ZSWIM5: variants seen among roughly 807,000 people sequenced by gnomAD.
ZSWIM5 encodes zinc finger SWIM-type containing 5, also known as zinc finger SWIM domain-containing protein 5.
ZSWIM5 carries 55 observed loss-of-function variants against 119.6 expected under a neutral mutation model. The ratio of observed to expected loss-of-function variants is 0.46; its 90% confidence interval spans 0.37 to 0.58. The LOEUF (loss-of-function observed/expected upper bound fraction) is 0.58, where lower values mean the gene tolerates loss of function less well. ZSWIM5 is among the 20% of genes least tolerant of loss of function. The pLI, the probability that ZSWIM5 is intolerant of heterozygous loss-of-function variation, is 0.00. For missense variants in ZSWIM5, 1,193 were observed against 1,512.8 expected (o/e 0.79, Z 3.51); for synonymous variants, 537 against 606.9 (o/e 0.88, Z 1.69).
At chr1:45,067,119 C>T (rs896516569) in intron 2 of ZSWIM5, among the ~76,000 whole-genome samples, 4 of 152,102 alleles carry the variant, frequency 2.6e-5, no homozygotes, top group South Asian at 4.1e-4. Flanking sequence ...TAGAGTCTAA[C>T]GCTCAAAAGA....
At chr1:45,144,247 G>T (rs963186884) in intron 1 of ZSWIM5, among the ~76,000 whole-genome samples, 1 of 152,124 alleles carries the variant, frequency 6.6e-6, no homozygotes, top group Non-Finnish European at 1.5e-5. Flanking sequence ...CTATAAAGCA[G>T]CCAGGCATGG....
Position 45,089,071 on chromosome 1 carries a change from C to T in ZSWIM5, c.596-834G>A, listed in dbSNP as rs139738307. ...GTCTCCTGGGCTCAAGTGATCCTCC[C>T]ACTCTCAGCCTCAAGTGCAAAAATA... On this transcript the variant is annotated intron_variant, in intron 1 of 13. Coordinates refer to ENST00000359600, the MANE Select transcript of ZSWIM5 (RefSeq NM_020883.2). 5.0e-3 allele frequency among the ~76,000 whole-genome samples: 767 copies of T among 152,234 alleles called. 9 individuals carry two copies. The highest frequency in any genetic ancestry group is 0.018 in the African/African-American group (742 of 41,536).
chr1:45,047,392 A>G (rs928622429), intron 5 of ZSWIM5, among the ~76,000 whole-genome samples: 7 of 152,242 alleles, frequency 4.6e-5, no homozygotes, highest in African/African-American at 1.2e-4. Context: ...GACTAAGAAC[A>G]GAAGAAATGG....
At chr1:45,189,688 A>G (rs997599066) in intron 1 of ZSWIM5, among the ~76,000 whole-genome samples, 1 of 152,018 alleles carries the variant, frequency 6.6e-6, no homozygotes, top group African/African-American at 2.4e-5. Context: ...CCTAGAAGGT[A>G]GGGGCTGCAG....
rs779906350 is a variant in ZSWIM5 at position 45,020,591 on chromosome 1, T to C, written c.2613+34A>G. 6.2e-6 allele frequency: 10 copies of C among 1,607,424 alleles called. No homozygotes were observed. In the South Asian group the frequency reaches 1.1e-4, roughly 18 times the overall value. On this transcript the variant is annotated intron_variant, in intron 12 of 13. Coordinates refer to ENST00000359600, the MANE Select transcript of ZSWIM5 (RefSeq NM_020883.2). ...CTGCCAACTGTCACTAGGTCAGCGG[T>C]CTAAACTGTGGATGGCCTACTCTTC...
At chr1:45,070,569 G>T in intron 2 of ZSWIM5, 1 of 454,848 alleles carries the variant, frequency 2.2e-6, no homozygotes, top group Non-Finnish European at 3.9e-6. Flanking sequence ...GTATCTAGTT[G>T]TTATTTCATA....
rs377425475 is a variant in ZSWIM5, at chr1:45,205,554, T to C, written c.595+202A>G. 2.4e-4 allele frequency among the ~76,000 whole-genome samples: 37 copies of C among 151,914 alleles called. No homozygotes were observed. The East Asian group carries it at 6.8e-3, about 28-fold the overall frequency. On this transcript the variant is annotated intron_variant, in intron 1 of 13. Transcript: ENST00000359600. ...TATTCACTCTTCAAACAAAAAGAAA[T>C]TGGGGTAGAGGGTCAGTGGAGGAAA... is the stretch of plus-strand genomic sequence containing the variant.
At position 45,019,410 on chromosome 1, in the gene ZSWIM5, G is replaced by T; in HGVS notation, c.2696-94C>A. On this transcript the variant is annotated intron_variant, in intron 13 of 13. Transcript: ENST00000359600. This position sits in a 1 kb window ranked among gnomAD's most constrained non-coding sequence, Gnocchi z 5.0. ...TTGGGGTTTGAACTTGGCCTGCAGA[G>T]ATGAATTCTTCCTCCTCAGCAACCT... 6.7e-7 allele frequency: 1 copy of T among 1,482,354 alleles called. No individual in the cohort carries two copies. Among genetic ancestry groups the T allele is most frequent in the Non-Finnish European group, 9.0e-7 (1 of 1,113,146 alleles). 91.8% of individuals were successfully genotyped at this position (1,482,354 alleles called of 1,614,324 possible).
chr1:45,153,829 G>C (rs1414162259), intron 1 of ZSWIM5, among the ~76,000 whole-genome samples: 1 of 152,118 alleles, frequency 6.6e-6, no homozygotes, highest in Non-Finnish European at 1.5e-5. Flanking sequence ...CTGATGATAT[G>C]ACTGTATACC....
At chr1:45,082,017 T>C (rs867890065) in intron 2 of ZSWIM5, among the ~76,000 whole-genome samples, 1 of 152,220 alleles carries the variant, frequency 6.6e-6, no homozygotes, top group African/African-American at 2.4e-5. Context: ...CCTGTTGATC[T>C]GTGACCTTAT....
chr1:45,070,112 TC>T, intron 2 of ZSWIM5: 1 of 1,013,814 alleles, frequency 9.9e-7, no homozygotes. Flanking sequence ...GTGCATTCGA[TC>T]AGTCCAGGAT....
At chr1:45,166,253 A>G (rs1312475492) in intron 1 of ZSWIM5, among the ~76,000 whole-genome samples, 3 of 151,902 alleles carry the variant, frequency 2.0e-5, no homozygotes, top group Admixed American at 6.6e-5. Flanking sequence ...AAAGGCCTTC[A>G]ACAAACTTCA....
At chr1:45,164,585 G>A (rs890587317) in intron 1 of ZSWIM5, among the ~76,000 whole-genome samples, 1 of 152,080 alleles carries the variant, frequency 6.6e-6, no homozygotes, top group Non-Finnish European at 1.5e-5. Flanking sequence ...CATCTCACGT[G>A]CAGAGACACA....
At chr1:45,038,914 T>C in intron 8 of ZSWIM5, 22 bp downstream of exon 8, 1 of 1,612,050 alleles carries the variant, frequency 6.2e-7, no homozygotes, top group African/African-American at 1.3e-5. Flanking sequence ...AGTCTTGGTT[T>C]GCCTCAGGCT....
chr1:45,141,891 C>A (rs538173752), intron 1 of ZSWIM5, among the ~76,000 whole-genome samples: 4 of 152,006 alleles, frequency 2.6e-5, no homozygotes, highest in Admixed American at 1.3e-4. Context: ...ACTAGCTGAC[C>A]CTTTTATTAT....
At chr1:45,142,071 A>G (rs1040361904) in intron 1 of ZSWIM5, among the ~76,000 whole-genome samples, 3 of 152,030 alleles carry the variant, frequency 2.0e-5, no homozygotes, top group Admixed American at 2.0e-4. Flanking sequence ...TTAGCCAGCC[A>G]TGGTTGTGCA....
intron 1 of ZSWIM5, among the ~76,000 whole-genome samples, chr1:45,160,759 G>A (rs529306723): frequency 2.5e-4 from 38 of 150,266 alleles, no homozygotes; most frequent in African/African-American, 8.8e-4. Flanking sequence ...GGGTTCAAGC[G>A]ATTCTCCTGC....
intron 1 of ZSWIM5, among the ~76,000 whole-genome samples, chr1:45,148,566 TGAATA>T (rs1645777113): frequency 6.6e-6 from 1 of 152,156 alleles, no homozygotes; most frequent in Non-Finnish European, 1.5e-5. Context: ...CTCTTAATAG[TGAATA>T]GAATTCTTCT....
chr1:45,204,850 A>T (rs1002691942), intron 1 of ZSWIM5, among the ~76,000 whole-genome samples: 32 of 152,232 alleles, frequency 2.1e-4, no homozygotes, highest in Non-Finnish European at 1.2e-4. Context: ...CACATAGCAA[A>T]GTCAATGTTA....
Sources: gnomAD v4.1 joint callset for allele counts (sites outside exome capture counted in the v4.1 genomes callset) on GRCh38, gnomAD v4.1.1 for gene constraint, Gnocchi (gnomAD v3.1) non-coding constraint, MANE v1.5 for transcripts, NCBI Gene and HGNC (gene_info 2026-07-23, HGNC 2026-07-21) for gene names.